The following DAAM1 variants were observed in gnomAD, a reference collection of about 807,000 sequenced individuals.
DAAM1 encodes the protein disheveled-associated activator of morphogenesis 1.
DAAM1 carries 52 observed loss-of-function variants against 130.0 expected under a neutral mutation model. That is an observed-to-expected ratio of 0.40 (90% CI 0.32 to 0.50). The LOEUF is 0.50. DAAM1 is among the 20% of genes least tolerant of loss of function. The probability of loss-of-function intolerance (pLI) is 0.61; values close to 1 mark genes in which losing one functional copy is unlikely to be tolerated. For missense variants in DAAM1, 1,134 were observed against 1,303.8 expected (o/e 0.87, Z 2.01); for synonymous variants, 452 against 444.5 (o/e 1.02, Z -0.21).
intron 15 of DAAM1, among the ~76,000 whole-genome samples, chr14:59,339,671 G>GC (rs1440333733): frequency 1.3e-4 from 20 of 152,248 alleles, no homozygotes; most frequent in Admixed American, 1.2e-3. Context: ...GGGTGAATGG[G>GC]CCTTGCAAGT....
rs148143432 is a variant in DAAM1 at position 59,320,746 on chromosome 14, G to A, written c.440+162G>A. 2.2e-4 allele frequency among the ~76,000 whole-genome samples: 33 copies of A among 151,980 alleles called. No individual in the cohort carries two copies. The East Asian group carries it at 5.4e-3, about 25-fold the overall frequency. ...TAAAGTTATTTTCTTCTGTGAAAAG[G>A]TATGTAGGCAGCCACTAGGATGGCT... On this transcript the variant is annotated intron_variant, in intron 5 of 24. Coordinates refer to ENST00000360909, the MANE Select transcript of DAAM1 (RefSeq NM_001270520.2).
At chr14:59,266,429 G>A (rs574134754) in intron 2 of DAAM1, among the ~76,000 whole-genome samples, 2 of 152,264 alleles carry the variant, frequency 1.3e-5, no homozygotes, top group South Asian at 2.1e-4. Flanking sequence ...CTTCATGTAC[G>A]TCTTGAAGAC....
chr14:59,289,061 G>T (rs1392701400), intron 2 of DAAM1, among the ~76,000 whole-genome samples: 1 of 152,040 alleles, frequency 6.6e-6, no homozygotes, highest in Admixed American at 6.5e-5. Flanking sequence ...GACTACAGGC[G>T]TGTGCCACCA....
At position 59,208,374 on chromosome 14, in the gene DAAM1, A is replaced by G. The variant is rs114665892; in HGVS notation, c.-38+19606A>G. On this transcript the variant is annotated intron_variant, in intron 1 of 24. Transcript: ENST00000360909. ...CCTTCCTAAGGAGTAAGCAGAAGCC[A>G]ACTCCAGAAAACAAGAAACGAATGA... Among the ~76,000 whole-genome samples the G allele has an allele frequency of 2.7e-3, 414 of 152,292 alleles. 4 individuals are homozygous for G. Among genetic ancestry groups the G allele is most frequent in the African/African-American group, 9.3e-3 (388 of 41,558 alleles).
rs188255847 is a variant in DAAM1, at chr14:59,246,222, G to T, written c.-37-17219G>T. Among the ~76,000 whole-genome samples, 82 of 152,048 alleles carry T rather than the reference G, an allele frequency of 5.4e-4. 1 individual carries two copies. In the East Asian group the frequency reaches 0.011, roughly 20 times the overall value. On this transcript the variant is annotated intron_variant, in intron 1 of 24. Transcript: ENST00000360909. Reference sequence around the variant, plus strand: ...ACTAAACAAAAATTCCCCATTTCCTGCTCCCCTGTCCCCTGGTAACCACCA... The same window carrying T: ...ACTAAACAAAAATTCCCCATTTCCTTCTCCCCTGTCCCCTGGTAACCACCA...
chr14:59,312,931 C>T (rs1027825366), intron 3 of DAAM1, among the ~76,000 whole-genome samples: 1 of 152,160 alleles, frequency 6.6e-6, no homozygotes, highest in African/African-American at 2.4e-5. Context: ...GTAGTCAGTG[C>T]AGGCTGAGAG....
At chr14:59,228,987 A>G (rs971071239) in intron 1 of DAAM1, among the ~76,000 whole-genome samples, 2 of 152,214 alleles carry the variant, frequency 1.3e-5, no homozygotes, top group African/African-American at 4.8e-5. Flanking sequence ...AGAAAATGTT[A>G]GAGAAATAGT....
chr14:59,344,581 T>C (rs1885995070), intron 16 of DAAM1, among the ~76,000 whole-genome samples: 1 of 152,106 alleles, frequency 6.6e-6, no homozygotes, highest in Admixed American at 6.5e-5. Context: ...TCCCTTAAGG[T>C]AGGGTTTCTT....
At chr14:59,243,518 C>T (rs1391539420) in intron 1 of DAAM1, among the ~76,000 whole-genome samples, 1 of 152,174 alleles carries the variant, frequency 6.6e-6, no homozygotes, top group Non-Finnish European at 1.5e-5. Context: ...CAGATCAGTA[C>T]TCAGCCTATA....
At chr14:59,261,311 C>G (rs1027436891) in intron 1 of DAAM1, among the ~76,000 whole-genome samples, 2 of 152,234 alleles carry the variant, frequency 1.3e-5, no homozygotes, top group African/African-American at 2.4e-5. Flanking sequence ...ATCTGGTGAA[C>G]TACTGTCTCT....
intron 2 of DAAM1, among the ~76,000 whole-genome samples, chr14:59,284,018 T>C (rs1487021104): frequency 6.6e-6 from 1 of 152,148 alleles, no homozygotes; most frequent in African/African-American, 2.4e-5. Context: ...TTACTGAAAA[T>C]GCAGTGTCGT....
rs745688922 is a variant in DAAM1, at chr14:59,315,273, T to C, written c.274-7T>C. ...GTGGTATGTCACTTTTTTTCCCCCC[T>C]TTTTAGGACCAGGAAGAAAACAAGG... On this transcript the variant is annotated splice_polypyrimidine_tract_variant and splice_region_variant and intron_variant, in intron 3 of 24. Coordinates refer to ENST00000360909, the MANE Select transcript of DAAM1 (RefSeq NM_001270520.2). 9.3e-6 allele frequency: 15 copies of C among 1,613,670 alleles called. No homozygotes were observed. In the African/African-American group the frequency reaches 1.6e-4, roughly 17 times the overall value.
chr14:59,284,272 A>G (rs1217801851), intron 2 of DAAM1, among the ~76,000 whole-genome samples: 1 of 152,186 alleles, frequency 6.6e-6, no homozygotes, highest in Non-Finnish European at 1.5e-5. Context: ...CAAAGGGGAA[A>G]AAAATGAGGT....
At position 59,282,840 on chromosome 14, in the gene DAAM1, A is replaced by G. The variant is rs1303711643; in HGVS notation, c.184-8377A>G. Among the ~76,000 whole-genome samples the G allele has an allele frequency of 4.6e-5, 7 of 152,262 alleles. No homozygotes were observed. The East Asian group carries it at 5.8e-4, about 13-fold the overall frequency. ...AGAAAGTGCTCAATAATTGTTAGCT[A>G]TTACTATTAGCAGTACCCATTTATT... is the stretch of plus-strand genomic sequence containing the variant. On this transcript the variant is annotated intron_variant, in intron 2 of 24. Coordinates refer to ENST00000360909, the MANE Select transcript of DAAM1 (RefSeq NM_001270520.2).
intron 2 of DAAM1, among the ~76,000 whole-genome samples, chr14:59,289,394 A>T (rs968233130): frequency 1.3e-5 from 2 of 152,146 alleles, no homozygotes; most frequent in Admixed American, 1.3e-4. Context: ...CACATCAATT[A>T]CTAATTATTA....
intron 23 of DAAM1, among the ~76,000 whole-genome samples, chr14:59,364,278 G>T (rs35269665): frequency 0.18 from 27,582 of 151,914 alleles, 3,160 homozygotes; most frequent in South Asian, 0.37. Flanking sequence ...TAAATCTCCA[G>T]CAGAACTCGC....
intron 1 of DAAM1, among the ~76,000 whole-genome samples, chr14:59,240,189 T>G (rs930114214): frequency 2.6e-5 from 4 of 152,030 alleles, no homozygotes; most frequent in African/African-American, 7.2e-5. Flanking sequence ...ACAGGTAGGG[T>G]TTATGTCCTT....
chr14:59,289,767 G>GATAGATATATATATATAT (rs375183979), intron 2 of DAAM1, among the ~76,000 whole-genome samples: 4 of 110,258 alleles, frequency 3.6e-5, no homozygotes, highest in African/African-American at 7.3e-5. Flanking sequence ...AACAAAATGT[G>GATAGATATATATATATAT]ATATATATAT....
chr14:59,203,230 G>A (rs55649771), intron 1 of DAAM1, among the ~76,000 whole-genome samples: 13,159 of 143,302 alleles, frequency 0.092, 790 homozygotes, highest in Non-Finnish European at 0.13. Flanking sequence ...GCATGGTCTC[G>A]ATCTCCTGAC....
Sources: allele counts gnomAD v4.1 joint callset (sites outside exome capture counted in the v4.1 genomes callset), GRCh38; gene constraint gnomAD v4.1.1; transcripts MANE v1.5; gene names NCBI Gene and HGNC (gene_info 2026-07-23, HGNC 2026-07-21).